The following NLGN1 variants were observed in gnomAD, a reference collection of about 807,000 sequenced individuals.
The protein encoded by NLGN1 is neuroligin-1.
Under a neutral mutation model 65.5 loss-of-function variants are expected in NLGN1, and 12 were observed. The ratio of observed to expected loss-of-function variants is 0.18; its 90% CI spans 0.12 to 0.30. NLGN1 has a LOEUF of 0.30. Ranked by LOEUF, NLGN1 falls within the 10% of genes least tolerant of loss-of-function variation. The pLI is 1.00. For missense variants in NLGN1, 750 were observed against 1,007.1 expected, an observed-to-expected ratio of 0.74 and a Z score of 3.46; for synonymous variants, 350 against 359.5, an observed-to-expected ratio of 0.97 and a Z score of 0.30.
intron 4 of NLGN1, among the ~76,000 whole-genome samples, chr3:173,932,339 A>C (rs887641977): frequency 6.6e-6 from 1 of 152,004 alleles, no homozygotes; most frequent in African/African-American, 2.4e-5. Flanking sequence ...TTAATCTATA[A>C]CTCCTCTTTC....
At chr3:173,626,739 A>T (rs1162324294) in intron 3 of NLGN1, among the ~76,000 whole-genome samples, 8 of 152,050 alleles carry the variant, frequency 5.3e-5, no homozygotes, top group Non-Finnish European at 1.2e-4. Context: ...CACCATTTGG[A>T]AATATTTTAT....
chr3:173,893,934 C>T (rs1735847237), intron 4 of NLGN1, among the ~76,000 whole-genome samples: 1 of 152,156 alleles, frequency 6.6e-6, no homozygotes, highest in Non-Finnish European at 1.5e-5. Flanking sequence ...TCCTTTATTC[C>T]CATTCACCTC....
At chr3:173,533,123 G>C (rs958844024) in intron 2 of NLGN1, among the ~76,000 whole-genome samples, 2 of 152,146 alleles carry the variant, frequency 1.3e-5, no homozygotes, top group Non-Finnish European at 2.9e-5. Flanking sequence ...GTAATTATTA[G>C]ATTTAATCTT....
chr3:173,986,617 A>G (rs1719994829), intron 4 of NLGN1, among the ~76,000 whole-genome samples: 1 of 152,162 alleles, frequency 6.6e-6, no homozygotes, highest in African/African-American at 2.4e-5. Flanking sequence ...CCTTAATTTC[A>G]CACTTCTAAC....
At chr3:173,638,262 G>T (rs1756902242) in intron 3 of NLGN1, among the ~76,000 whole-genome samples, 1 of 151,484 alleles carries the variant, frequency 6.6e-6, no homozygotes, top group Non-Finnish European at 1.5e-5. Context: ...CCAGGCTGAG[G>T]AAGTGTAATT....
chr3:173,419,996 ATAAAG>A (rs67502112), intron 1 of NLGN1, among the ~76,000 whole-genome samples: 34,645 of 149,938 alleles, frequency 0.23, 4,336 homozygotes, highest in Middle Eastern at 0.39. Flanking sequence ...ATAAAATAAA[ATAAAG>A]TAAAATAAAA....
At position 174,268,781 on chromosome 3, in the gene NLGN1, G is replaced by A. The variant is rs532927800; in HGVS notation, c.647-6534G>A. On this transcript the variant is annotated intron_variant, in intron 4 of 6. Transcript: ENST00000457714. ...TTCTTCTTTCCCACTGTACTCCCCC[G>A]TGTCCAGCTGTCGGTAATCAGAAGC... 3.8e-4 allele frequency among the ~76,000 whole-genome samples: 58 copies of A among 152,030 alleles called. No individual in the cohort carries two copies. In the South Asian group the frequency reaches 0.01, roughly 27 times the overall value.
At chr3:174,183,870 G>A (rs1277040205) in intron 4 of NLGN1, among the ~76,000 whole-genome samples, 1 of 152,204 alleles carries the variant, frequency 6.6e-6, no homozygotes, top group African/African-American at 2.4e-5. Flanking sequence ...GGAAATGAAA[G>A]AGGGTCTCTT....
intron 2 of NLGN1, among the ~76,000 whole-genome samples, chr3:173,499,622 T>A (rs879534744): frequency 6.6e-6 from 1 of 151,892 alleles, no homozygotes; most frequent in African/African-American, 2.4e-5. Context: ...GGAGATGGCA[T>A]TGAATCTATA....
chr3:173,611,667 G>A (rs1752317905), intron 3 of NLGN1, among the ~76,000 whole-genome samples: 1 of 152,138 alleles, frequency 6.6e-6, no homozygotes, highest in South Asian at 2.1e-4. Flanking sequence ...ACTCTGAAAT[G>A]AAGTAGATCT....
chr3:174,225,679 G>A lies in NLGN1; in HGVS notation c.647-49636G>A, dbSNP rs950831370. Among the ~76,000 whole-genome samples, 4 of 152,032 alleles carry A rather than the reference G, an allele frequency of 2.6e-5. No homozygotes were observed. The East Asian group carries it at 5.8e-4, about 22-fold the overall frequency. On this transcript the variant is annotated intron_variant, in intron 4 of 6. Transcript: ENST00000457714. ...CCGGGAGGCGGAGCTTGCAGTGAGC[G>A]GAGATTGCGCCACTGCACTCCAGCC...
At chr3:173,546,453 A>G (rs1412943147) in intron 2 of NLGN1, among the ~76,000 whole-genome samples, 1 of 152,198 alleles carries the variant, frequency 6.6e-6, no homozygotes, top group Non-Finnish European at 1.5e-5. Context: ...TGAGATGGGC[A>G]ATATATATTT....
intron 2 of NLGN1, among the ~76,000 whole-genome samples, chr3:173,503,883 T>C (rs1347484571): frequency 6.6e-6 from 1 of 152,052 alleles, no homozygotes; most frequent in Non-Finnish European, 1.5e-5. Context: ...TAGAAGGGAA[T>C]CCTGACTGGG....
chr3:173,564,115 T>C (rs1351251980), intron 2 of NLGN1, among the ~76,000 whole-genome samples: 3 of 152,240 alleles, frequency 2.0e-5, no homozygotes, highest in African/African-American at 7.2e-5. Context: ...TCTGTGAACA[T>C]ACCAGTTGCA....
chr3:173,705,245 A>G (rs939912856), intron 3 of NLGN1, among the ~76,000 whole-genome samples: 1 of 152,218 alleles, frequency 6.6e-6, no homozygotes, highest in Non-Finnish European at 1.5e-5. Flanking sequence ...AAAATGTCAT[A>G]TGAACTTGCA....
At chr3:173,913,758 A>G (rs1325290531) in intron 4 of NLGN1, among the ~76,000 whole-genome samples, 1 of 152,172 alleles carries the variant, frequency 6.6e-6, no homozygotes, top group Admixed American at 6.6e-5. Flanking sequence ...TCTTACCTCA[A>G]CTGCTCTGCT....
Position 173,670,113 on chromosome 3 carries a change from G to A in NLGN1, c.493+65022G>A, listed in dbSNP as rs1316533570. On this transcript the variant is annotated intron_variant, in intron 3 of 6. Coordinates refer to ENST00000457714, the Ensembl canonical transcript of NLGN1. ...TAGGGAGAAAGCAGATAAACTGAAA[G>A]TGTTGAATTCTAGATCTTAATTTTC... is the stretch of plus-strand genomic sequence containing the variant. 2.6e-5 allele frequency among the ~76,000 whole-genome samples: 4 copies of A among 152,250 alleles called. No individual in the cohort carries two copies. The South Asian group carries it at 8.3e-4, about 32-fold the overall frequency.
At chr3:174,159,254 CTTAA>C (rs1181140783) in intron 4 of NLGN1, among the ~76,000 whole-genome samples, 1 of 151,616 alleles carries the variant, frequency 6.6e-6, no homozygotes, top group Non-Finnish European at 1.5e-5. Context: ...TTTTTTTACT[CTTAA>C]TATCTATACG....
chr3:173,630,885 T>C (rs1755581683), intron 3 of NLGN1, among the ~76,000 whole-genome samples: 1 of 152,120 alleles, frequency 6.6e-6, no homozygotes, highest in Non-Finnish European at 1.5e-5. Flanking sequence ...GAGAGACTCT[T>C]GGGAGAGATG....
Sources: gnomAD v4.1 joint callset for allele counts (sites outside exome capture counted in the v4.1 genomes callset) on GRCh38, gnomAD v4.1.1 for gene constraint, MANE v1.5 for transcripts, NCBI Gene and HGNC (gene_info 2026-07-23, HGNC 2026-07-21) for gene names.